The following LRRC66 variants were observed in gnomAD, a reference collection of about 807,000 sequenced individuals.
LRRC66 encodes the protein leucine-rich repeat-containing protein 66.
LRRC66 carries 29 observed loss-of-function variants against 24.6 expected under a neutral mutation model. The observed-to-expected ratio is 1.18, with a 90% CI of 0.88 to 1.61. LRRC66 has a LOEUF of 1.61. Among genes scored for constraint, LRRC66 ranks in the 40% most tolerant of loss-of-function variants. The pLI is 0.00. For missense variants in LRRC66, 1,124 were observed against 1,058.0 expected (o/e 1.06, Z -0.87); for synonymous variants, 411 against 397.6 (o/e 1.03, Z -0.40).
At chr4:52,007,892 T>C (rs1736621940) in intron 2 of LRRC66, among the ~76,000 whole-genome samples, 1 of 152,166 alleles carries the variant, frequency 6.6e-6, no homozygotes, top group Non-Finnish European at 1.5e-5. Context: ...CTGGGACCCA[T>C]GTGTAACTTT....
At chr4:51,998,225 A>T (rs1736368754) in intron 3 of LRRC66, among the ~76,000 whole-genome samples, 1 of 152,146 alleles carries the variant, frequency 6.6e-6, no homozygotes, top group Admixed American at 6.5e-5. Context: ...ATGCCTAATC[A>T]TTTTCTCTTC....
At chr4:52,001,508 G>C (rs1736446135) in intron 3 of LRRC66, among the ~76,000 whole-genome samples, 1 of 152,196 alleles carries the variant, frequency 6.6e-6, no homozygotes, top group Non-Finnish European at 1.5e-5. Flanking sequence ...TAAAAGAGCA[G>C]GCGACAGTGG....
In LRRC66 at chr4:52,017,407, G is replaced by C; in HGVS notation, c.207C>G (p.Phe69Leu). The change falls in exon 2 of 5, where the codon TTC (phenylalanine) becomes TTG (leucine). Residue 69 changes from phenylalanine (F) to leucine (L), a missense_variant. Physicochemically the swap from Phe to Leu is conservative, Grantham distance 22. Coordinates refer to ENST00000682860, the MANE Select transcript of LRRC66 (RefSeq NM_001024611.3). ...SQTAATVDVS[F>L]NFFRVLLQSH... Reference sequence around the variant, plus strand: ...ACTGTAAGAGAACTCTAAAGAAATTGAAACTTACATCCACAGTGGCTGCTG... The same window carrying C: ...ACTGTAAGAGAACTCTAAAGAAATTCAAACTTACATCCACAGTGGCTGCTG... The C allele has an allele frequency of 3.1e-6, 5 of 1,614,102 alleles. No homozygotes were observed. The Middle Eastern group carries it at 6.6e-4, about 213-fold the overall frequency.
Position 51,995,288 on chromosome 4 carries a change from A to C in LRRC66, c.1734T>G (p.Pro578=). The C allele has an allele frequency of 6.2e-7, 1 of 1,614,116 alleles. No individual in the cohort carries two copies. Among genetic ancestry groups the C allele is most frequent in the South Asian group, 1.1e-5 (1 of 91,068 alleles). ...SSRYDSNELD[P]SLSGEITASL... is the part of the protein sequence containing the mutation. ...AAGCTGTTATTTCTCCGGAGAGGGA[A>C]GGGTCTAATTCATTGGAATCATAAC... Residue 578 remains proline (P), a synonymous_variant, in exon 5 of 5, where the codon CCT becomes CCG. Transcript: ENST00000682860.
chr4:52,002,091 G>A (rs1560558496), intron 3 of LRRC66, among the ~76,000 whole-genome samples: 1 of 152,180 alleles, frequency 6.6e-6, no homozygotes, highest in Non-Finnish European at 1.5e-5. Context: ...TCCAAATTGG[G>A]ATGTGTGGTA....
At chr4:52,011,684 T>C (rs1449273467) in intron 2 of LRRC66, among the ~76,000 whole-genome samples, 1 of 152,216 alleles carries the variant, frequency 6.6e-6, no homozygotes, top group Non-Finnish European at 1.5e-5. Context: ...ACACCTGCTG[T>C]GTGCCAGGCA....
At chr4:52,013,147 C>T (rs1206379177) in intron 2 of LRRC66, among the ~76,000 whole-genome samples, 1 of 152,128 alleles carries the variant, frequency 6.6e-6, no homozygotes, top group Admixed American at 6.5e-5. Context: ...TTCTTTAGAA[C>T]CTGAATTAGT....
chr4:51,998,800 T>G (rs1381736937), intron 3 of LRRC66, among the ~76,000 whole-genome samples: 1 of 152,216 alleles, frequency 6.6e-6, no homozygotes, highest in Non-Finnish European at 1.5e-5. Context: ...CGAGCCCTGC[T>G]GGGTCCCAGA....
At chr4:52,007,287 T>G (rs1368373763) in intron 2 of LRRC66, among the ~76,000 whole-genome samples, 1 of 152,210 alleles carries the variant, frequency 6.6e-6, no homozygotes, top group Admixed American at 6.5e-5. Flanking sequence ...CAAGCGATTC[T>G]CTTGCCTCAG....
chr4:52,019,832 G>T (rs764589980), intron 1 of LRRC66, among the ~76,000 whole-genome samples: 8 of 152,032 alleles, frequency 5.3e-5, no homozygotes, highest in Non-Finnish European at 1.0e-4. Flanking sequence ...TTTTCTTAAG[G>T]GGACATGAAT....
rs1454025746 is a variant in LRRC66, at chr4:51,994,394, TG to T, written c.2627del (p.Ser876Ter). On this transcript the variant is annotated frameshift_variant, in exon 5 of 5. Transcript: ENST00000682860. LOFTEE classifies it low-confidence loss of function (END_TRUNC). The part of the protein sequence containing the change: ...PDKAAFHERD[S>X]DILK ...TGAAAGATTCTTATTTTAAAATGTC[TG>T]AGTCTCTTTCATGGAAGGCAGCCTT... 4.3e-6 allele frequency: 7 copies of T among 1,610,180 alleles called. No homozygotes were observed. The highest frequency in any genetic ancestry group is 1.3e-5 in the African/African-American group (1 of 74,632).
intron 2 of LRRC66, among the ~76,000 whole-genome samples, chr4:52,011,018 G>A (rs1736688594): frequency 6.6e-6 from 1 of 152,150 alleles, no homozygotes. Context: ...AAACAGAAAG[G>A]AGATCAGCGG....
At chr4:51,996,554 C>A (rs1736324025) in intron 4 of LRRC66, among the ~76,000 whole-genome samples, 2 of 152,156 alleles carry the variant, frequency 1.3e-5, no homozygotes, top group South Asian at 4.1e-4. Context: ...GCTGCCCCAG[C>A]TCCAGATTCT....
At chr4:52,012,362 G>T (rs1001725332) in intron 2 of LRRC66, among the ~76,000 whole-genome samples, 1 of 152,148 alleles carries the variant, frequency 6.6e-6, no homozygotes, top group African/African-American at 2.4e-5. Flanking sequence ...TTCTGGAGAT[G>T]AGAATAAAGA....
At chr4:52,020,154 G>A (rs1449435667) in intron 1 of LRRC66, among the ~76,000 whole-genome samples, 150 bp downstream of exon 1, 4 of 151,838 alleles carry the variant, frequency 2.6e-5, no homozygotes, top group African/African-American at 4.8e-5. Context: ...ATAGGAAGAA[G>A]GCAGCACAAA....
At chr4:52,008,980 G>C (rs991274444) in intron 2 of LRRC66, among the ~76,000 whole-genome samples, 7 of 151,952 alleles carry the variant, frequency 4.6e-5, no homozygotes, top group Admixed American at 3.9e-4. Flanking sequence ...GGACAGAAGA[G>C]GGGAAAAAAT....
In LRRC66 at chr4:51,993,857, T is replaced by C. The variant is rs1176370759; in HGVS notation, c.*522A>G. 1 of 152,482 alleles carries C rather than the reference T, an allele frequency of 6.6e-6. No homozygotes were observed. Among genetic ancestry groups the C allele is most frequent in the Admixed American group, 6.5e-5 (1 of 15,308 alleles). The allele number at this position is 152,482 out of a possible 1,614,324, so 9.4% of individuals were successfully genotyped here. A position where few individuals can be genotyped will look rare whatever the true frequency, so the allele number is the denominator to read the frequency against. On this transcript the variant is annotated 3_prime_UTR_variant, in exon 5 of 5. Transcript: ENST00000682860. ...AAGTGCTTCAATATGTATGAAAAAA[T>C]GTCATTTGAATTCTCTTTGATGATC...
At chr4:52,000,041 A>G (rs1736412923) in intron 3 of LRRC66, among the ~76,000 whole-genome samples, 1 of 152,170 alleles carries the variant, frequency 6.6e-6, no homozygotes, top group African/African-American at 2.4e-5. Context: ...CATTGCCCAG[A>G]AGAAAACAAC....
At chr4:52,018,463 A>G in intron 1 of LRRC66, 4 of 985,438 alleles carry the variant, frequency 4.1e-6, no homozygotes, top group Non-Finnish European at 4.8e-6. Context: ...ATTATTGAGT[A>G]TATGAGTTTC....
Sources: allele counts gnomAD v4.1 joint callset (sites outside exome capture counted in the v4.1 genomes callset), GRCh38; gene constraint gnomAD v4.1.1; transcripts MANE v1.5; gene names NCBI Gene and HGNC (gene_info 2026-07-23, HGNC 2026-07-21).